FER1L6: variants seen among roughly 807,000 people sequenced by gnomAD.
FER1L6 encodes fer-1-like protein 6.
Under a neutral mutation model 219.2 loss-of-function variants are expected in FER1L6, and 177 were observed. The observed-to-expected ratio is 0.81, with a 90% CI of 0.71 to 0.91. The LOEUF is 0.91. Ranked by LOEUF, FER1L6 falls within the 40% of genes least tolerant of loss-of-function variation. The pLI, the probability that FER1L6 is intolerant of heterozygous loss-of-function variation, is 0.00. For missense variants in FER1L6, 2,153 were observed against 2,259.9 expected (o/e 0.95, Z 0.96); for synonymous variants, 768 against 824.3 (o/e 0.93, Z 1.17).
intron 39 of FER1L6, among the ~76,000 whole-genome samples, chr8:124,105,230 G>T (rs1477926534): frequency 6.6e-6 from 1 of 152,218 alleles, no homozygotes; most frequent in East Asian, 1.9e-4. Flanking sequence ...AATGGCCTGA[G>T]GTAGGAATGA....
intron 1 of FER1L6, among the ~76,000 whole-genome samples, chr8:123,915,740 A>AGAG (rs2129792765): frequency 6.6e-6 from 1 of 152,288 alleles, no homozygotes; most frequent in Non-Finnish European, 1.5e-5. Flanking sequence ...CTAGGCAGGG[A>AGAG]GAGGCACTTA....
chr8:123,941,124 A>G (rs1290088610), intron 1 of FER1L6, among the ~76,000 whole-genome samples: 1 of 152,220 alleles, frequency 6.6e-6, no homozygotes, highest in Non-Finnish European at 1.5e-5. Context: ...GGGTAAACCA[A>G]CTCAAGCCCT....
intron 33 of FER1L6, among the ~76,000 whole-genome samples, chr8:124,090,559 G>A (rs1821985537): frequency 1.3e-5 from 2 of 152,188 alleles, no homozygotes; most frequent in Non-Finnish European, 2.9e-5. Context: ...ACCTTTTCAG[G>A]ATTCTTTGGC....
chr8:123,915,951 G>A (rs534045555), intron 1 of FER1L6, among the ~76,000 whole-genome samples: 2 of 152,186 alleles, frequency 1.3e-5, no homozygotes, highest in African/African-American at 2.4e-5. Flanking sequence ...GACAAGTTCA[G>A]TAAAGTATAC....
intron 33 of FER1L6, among the ~76,000 whole-genome samples, chr8:124,085,953 A>G (rs1563791350): frequency 6.6e-6 from 1 of 152,150 alleles, no homozygotes; most frequent in Non-Finnish European, 1.5e-5. Context: ...CCCCTTTATC[A>G]TTATATAATG....
At chr8:124,083,692 G>C (rs993644052) in intron 33 of FER1L6, among the ~76,000 whole-genome samples, 3 of 152,118 alleles carry the variant, frequency 2.0e-5, no homozygotes, top group Non-Finnish European at 4.4e-5. Flanking sequence ...ATAATTTGAA[G>C]TCAGGTAATG....
intron 1 of FER1L6, among the ~76,000 whole-genome samples, chr8:123,936,211 T>C (rs1813995966): frequency 6.6e-6 from 1 of 152,138 alleles, no homozygotes; most frequent in Non-Finnish European, 1.5e-5. Context: ...TAAATTGCTC[T>C]GAACCCCCCA....
At chr8:124,095,693 T>G (rs1822252907) in intron 35 of FER1L6, among the ~76,000 whole-genome samples, 1 of 152,194 alleles carries the variant, frequency 6.6e-6, no homozygotes, top group South Asian at 2.1e-4. Context: ...CTGGGGCCAT[T>G]TGGGAGTGAA....
intron 1 of FER1L6, among the ~76,000 whole-genome samples, chr8:123,934,201 C>T (rs1036462856): frequency 6.6e-6 from 1 of 152,196 alleles, no homozygotes; most frequent in Non-Finnish European, 1.5e-5. Context: ...TTCACTGCAA[C>T]CTCCGCCTCC....
chr8:124,064,780 G>A (rs756469009), intron 26 of FER1L6, among the ~76,000 whole-genome samples: 39 of 152,336 alleles, frequency 2.6e-4, no homozygotes, highest in Non-Finnish European at 1.0e-4. Context: ...TGAAATTAAA[G>A]TGCTGGTCAA....
intron 1 of FER1L6, among the ~76,000 whole-genome samples, chr8:123,898,721 G>A (rs558541420): frequency 7.1e-6 from 1 of 140,320 alleles, no homozygotes. Context: ...ATACGTATAT[G>A]TGTATATATA....
chr8:124,030,923 G>T (rs778790651), intron 18 of FER1L6, among the ~76,000 whole-genome samples: 1 of 152,164 alleles, frequency 6.6e-6, no homozygotes, highest in Non-Finnish European at 1.5e-5. Flanking sequence ...CCCCGTGGGA[G>T]GTGGGGAAGG....
At chr8:123,892,806 A>C (rs1812673650) in intron 1 of FER1L6, among the ~76,000 whole-genome samples, 1 of 152,222 alleles carries the variant, frequency 6.6e-6, no homozygotes, top group Admixed American at 6.5e-5. Context: ...TTCTAAATTT[A>C]GTCTTTTTAA....
At chr8:124,086,553 C>A (rs934326588) in intron 33 of FER1L6, among the ~76,000 whole-genome samples, 5 of 150,814 alleles carry the variant, frequency 3.3e-5, no homozygotes, top group Non-Finnish European at 7.4e-5. Flanking sequence ...TATACTATGT[C>A]TTTAAAAGTT....
chr8:124,006,614 C>A (rs1364775201), intron 13 of FER1L6, among the ~76,000 whole-genome samples: 1 of 152,228 alleles, frequency 6.6e-6, no homozygotes, highest in Non-Finnish European at 1.5e-5. Flanking sequence ...AAAGCACATG[C>A]ATTCACATGC....
In FER1L6 at chr8:123,853,733, A is replaced by G. The variant is rs57819471; in HGVS notation, c.-8+1548A>G. On this transcript the variant is annotated intron_variant, in intron 1 of 40. Transcript: ENST00000522917. This position sits in a 1 kb window ranked among gnomAD's most constrained non-coding sequence, Gnocchi z 6.6. Reference sequence around the variant, plus strand: ...CATGGCTATGATGAAGACCTGGAGGAGGAAAAGGCCAGAAAGCTGCAGACA... The same window carrying G: ...CATGGCTATGATGAAGACCTGGAGGGGGAAAAGGCCAGAAAGCTGCAGACA... Among the ~76,000 whole-genome samples, 35,864 of 152,184 alleles carry G rather than the reference A, an allele frequency of 0.24. 5,347 individuals are homozygous for G. Among genetic ancestry groups the G allele is most frequent in the African/African-American group, 0.42 (17,529 of 41,478 alleles).
chr8:124,020,948 G>A (rs1818429946), intron 16 of FER1L6, among the ~76,000 whole-genome samples: 1 of 152,116 alleles, frequency 6.6e-6, no homozygotes, highest in Admixed American at 6.6e-5. Context: ...TAATTATAAA[G>A]GAAAGAGGTT....
At position 124,076,302 on chromosome 8, in the gene FER1L6, A is replaced by G. The variant is rs1156403133; in HGVS notation, c.4197A>G (p.Lys1399=). The change falls in exon 32 of 41, where the codon AAA becomes AAG. Residue 1399 remains lysine, a synonymous_variant. Coordinates refer to ENST00000522917, the MANE Select transcript of FER1L6 (RefSeq NM_001039112.2). ...AAGACCGGGATAAATACATCCCTAA[A>G]CAACTGAACCCAGTATTTGGAAGGT... ...EIKDRDKYIP[K]QLNPVFGRSF... is the part of the protein sequence containing the mutation. The G allele has an allele frequency of 1.2e-6, 2 of 1,613,794 alleles. No homozygotes were observed. Among genetic ancestry groups the G allele is most frequent in the Admixed American group, 1.7e-5 (1 of 60,020 alleles).
At chr8:124,029,158 T>C (rs1388741247) in intron 18 of FER1L6, among the ~76,000 whole-genome samples, 3 of 152,224 alleles carry the variant, frequency 2.0e-5, no homozygotes, top group Non-Finnish European at 4.4e-5. Flanking sequence ...ATGTGCCATG[T>C]TTTCTTTATC....
Sources: gnomAD v4.1 joint callset for allele counts (sites outside exome capture counted in the v4.1 genomes callset) on GRCh38, gnomAD v4.1.1 for gene constraint, Gnocchi (gnomAD v3.1) non-coding constraint, MANE v1.5 for transcripts, NCBI Gene and HGNC (gene_info 2026-07-23, HGNC 2026-07-21) for gene names.